Variants in P3H2 observed in about 807,000 individuals in gnomAD.
P3H2 encodes leprecan-like 1.
A neutral mutation model predicts 87.0 loss-of-function variants in P3H2; 80 were observed. The ratio of observed to expected loss-of-function variants is 0.92; its 90% confidence interval spans 0.77 to 1.11. P3H2 has a LOEUF of 1.11. Among genes scored for constraint, P3H2 ranks in the 50% least tolerant of loss-of-function variants. P3H2 has a pLI of 0.00. For synonymous variants in P3H2, 367 were observed against 359.3 expected, an observed-to-expected ratio of 1.02 and a Z score of -0.24; for missense variants, 1,001 against 923.9, an observed-to-expected ratio of 1.08 and a Z score of -1.08.
At chr3:190,007,968 A>ATATATATATATATATATATG (rs1408050751) in intron 1 of P3H2, among the ~76,000 whole-genome samples, 1 of 142,386 alleles carries the variant, frequency 7.0e-6, no homozygotes, top group East Asian at 2.0e-4. Flanking sequence ...TGACACACAT[A>ATATATATATATATATATATG]TATATATATA....
At chr3:190,026,579 G>T (rs1829828) in intron 1 of P3H2, among the ~76,000 whole-genome samples, 47,239 of 152,070 alleles carry the variant, frequency 0.31, 7,581 homozygotes, top group East Asian at 0.44. Flanking sequence ...AGCGGAGGCA[G>T]GAATAATCCA....
intron 8 of P3H2, among the ~76,000 whole-genome samples, chr3:189,979,297 G>A (rs1560345926): frequency 1.3e-5 from 2 of 151,718 alleles, no homozygotes; most frequent in South Asian, 4.2e-4. Context: ...GCATGGTGAT[G>A]CATGCCTGTA....
At chr3:190,089,248 T>G (rs1727331413) in intron 1 of P3H2, among the ~76,000 whole-genome samples, 1 of 152,116 alleles carries the variant, frequency 6.6e-6, no homozygotes. Context: ...AGGGATAGCA[T>G]TAGGAGATAC....
At chr3:190,030,568 A>G (rs2108946954) in intron 1 of P3H2, among the ~76,000 whole-genome samples, 1 of 152,324 alleles carries the variant, frequency 6.6e-6, no homozygotes, top group African/African-American at 2.4e-5. Context: ...ATAAATAAGT[A>G]ATTAAATGAA....
intron 1 of P3H2, among the ~76,000 whole-genome samples, chr3:190,023,028 G>C (rs540382569): frequency 6.7e-6 from 1 of 149,648 alleles, no homozygotes; most frequent in Non-Finnish European, 1.5e-5. Flanking sequence ...GTGTTTCACC[G>C]TGTTAGCCAG....
chr3:190,021,370 T>G (rs1724923040), intron 1 of P3H2, among the ~76,000 whole-genome samples: 1 of 135,262 alleles, frequency 7.4e-6, no homozygotes, highest in African/African-American at 2.6e-5. Flanking sequence ...ATTGAAAAAG[T>G]AAAATTCAAT....
rs2108909867 is a variant in P3H2 at position 189,974,023 on chromosome 3, A to T, written c.1453-19T>A. 6.3e-7 allele frequency: 1 copy of T among 1,581,500 alleles called. No individual in the cohort carries two copies. The highest frequency in any genetic ancestry group is 2.2e-5 in the East Asian group (1 of 44,720). On this transcript the variant is annotated intron_variant, in intron 9 of 14. Transcript: ENST00000319332. Reference sequence around the variant, plus strand: ...TGATTCCCTGGAAGCAAATACAAGAAGATACGTCATCAATGATAACTATGA... The same window carrying T: ...TGATTCCCTGGAAGCAAATACAAGATGATACGTCATCAATGATAACTATGA...
intron 1 of P3H2, among the ~76,000 whole-genome samples, chr3:190,061,689 T>C (rs990230212): frequency 6.6e-6 from 1 of 152,170 alleles, no homozygotes; most frequent in Non-Finnish European, 1.5e-5. Context: ...CCTTGCCTCC[T>C]TCTAACTCAG....
In P3H2 at chr3:189,970,839, C is replaced by T. The variant is rs549590724; in HGVS notation, c.1870G>A (p.Glu624Lys). 17 of 1,591,462 alleles carry T rather than the reference C, an allele frequency of 1.1e-5. No homozygotes were observed. The South Asian group carries it at 1.4e-4, about 13-fold the overall frequency. Residue 624 changes from glutamate to lysine, a missense_variant, in exon 13 of 15, where the codon GAG (glutamate) becomes AAG (lysine). Transcript: ENST00000319332. ...ACAGTCACAGTCTTAGCATCCATCT[C>T]TGTGAATATGAATTCTCCTCCTTCA... ...DFEGGEFIFT[E>K]MDAKTVTASI...
rs115227482 is a variant in P3H2, at chr3:190,076,462, G to A, written c.480+43790C>T. On this transcript the variant is annotated intron_variant, in intron 1 of 14. Coordinates refer to ENST00000319332, the MANE Select transcript of P3H2 (RefSeq NM_018192.4). Reference sequence around the variant, plus strand: ...ATCATGGAAAGATGGGAAAGATGAGGCAGCTATTACTACAGCTGCAGCAAA... The same window carrying A: ...ATCATGGAAAGATGGGAAAGATGAGACAGCTATTACTACAGCTGCAGCAAA... Among the ~76,000 whole-genome samples, 595 of 152,216 alleles carry A rather than the reference G, an allele frequency of 3.9e-3. 5 individuals carry two copies. Among genetic ancestry groups the A allele is most frequent in the African/African-American group, 0.013 (554 of 41,546 alleles).
chr3:190,057,143 A>G (rs1390155057), intron 1 of P3H2, among the ~76,000 whole-genome samples: 1 of 152,182 alleles, frequency 6.6e-6, no homozygotes, highest in Non-Finnish European at 1.5e-5. Context: ...TAGTAGGCCT[A>G]ACTTTAAGTA....
intron 1 of P3H2, among the ~76,000 whole-genome samples, chr3:190,114,345 G>C (rs991775883): frequency 6.6e-6 from 1 of 151,054 alleles, no homozygotes; most frequent in Non-Finnish European, 1.5e-5. Context: ...CACCACGCCC[G>C]CCTAATTTCT....
In P3H2 at chr3:189,960,357, C is replaced by T. The variant is rs113445666; in HGVS notation, c.2035-2353G>A. Among the ~76,000 whole-genome samples, 782 of 152,226 alleles carry T rather than the reference C, an allele frequency of 5.1e-3. 5 individuals carry two copies. Among genetic ancestry groups the T allele is most frequent in the Non-Finnish European group, 7.3e-3 (498 of 68,008 alleles). ...CTGTTTCCTTCCACTAGAATGTAAG[C>T]TCCAGAAGAGCAGGGCATCTTATCT... On this transcript the variant is annotated intron_variant, in intron 14 of 14. Transcript: ENST00000319332.
intron 1 of P3H2, among the ~76,000 whole-genome samples, chr3:190,089,292 A>T (rs1043268510): frequency 2.6e-5 from 4 of 152,216 alleles, no homozygotes; most frequent in Admixed American, 6.5e-5. Flanking sequence ...TGGGTGCAGC[A>T]CACCAACATA....
intron 1 of P3H2, among the ~76,000 whole-genome samples, chr3:190,111,440 G>A (rs112451757): frequency 3.2e-3 from 493 of 152,150 alleles, no homozygotes; most frequent in African/African-American, 0.011. Context: ...TTTTCCATCT[G>A]TAAAATGGGA....
chr3:190,063,155 A>G (rs1396749571), intron 1 of P3H2, among the ~76,000 whole-genome samples: 2 of 152,168 alleles, frequency 1.3e-5, no homozygotes, highest in East Asian at 1.9e-4. Context: ...TGGCTTCATA[A>G]TCTATGAAAA....
chr3:190,103,490 C>A (rs562856253), intron 1 of P3H2, among the ~76,000 whole-genome samples: 1 of 152,258 alleles, frequency 6.6e-6, no homozygotes, highest in African/African-American at 2.4e-5. Flanking sequence ...ATTAGGTAAA[C>A]CTTTGTTAAC....
At chr3:189,996,119 A>G (rs910593558) in intron 1 of P3H2, among the ~76,000 whole-genome samples, 2 of 152,204 alleles carry the variant, frequency 1.3e-5, no homozygotes, top group Non-Finnish European at 2.9e-5. Context: ...TATATATCCA[A>G]AGGAAATGAA....
At chr3:190,011,809 A>G (rs1325227606) in intron 1 of P3H2, among the ~76,000 whole-genome samples, 1 of 152,218 alleles carries the variant, frequency 6.6e-6, no homozygotes, top group Non-Finnish European at 1.5e-5. Flanking sequence ...TGCTCATGAT[A>G]TACTCTCGAA....
Sources: gnomAD v4.1 joint callset for allele counts (sites outside exome capture counted in the v4.1 genomes callset) on GRCh38, gnomAD v4.1.1 for gene constraint, MANE v1.5 for transcripts, NCBI Gene and HGNC (gene_info 2026-07-23, HGNC 2026-07-21) for gene names.